Variants in SNAPC3 observed in about 807,000 individuals in gnomAD.
The protein encoded by SNAPC3 is small nuclear RNA activating complex polypeptide 3.
Under a neutral mutation model 47.7 loss-of-function variants are expected in SNAPC3, and 56 were observed. The ratio of observed to expected loss-of-function variants is 1.18; its 90% CI spans 0.95 to 1.47. The LOEUF is 1.47. Ranked by LOEUF, SNAPC3 falls within the 40% of genes most tolerant of loss-of-function variation. The probability of loss-of-function intolerance (pLI) is 0.00; values close to 1 mark genes in which losing one functional copy is unlikely to be tolerated. For missense variants in SNAPC3, 665 were observed against 511.3 expected (o/e 1.30, Z -2.90); for synonymous variants, 235 against 189.9 (o/e 1.24, Z -1.95).
intron 3 of SNAPC3, among the ~76,000 whole-genome samples, chr9:15,438,866 C>T (rs150145111): frequency 1.3e-5 from 2 of 151,894 alleles, no homozygotes; most frequent in African/African-American, 4.8e-5. Flanking sequence ...TCTAATTGTT[C>T]TCGTTGTTCA....
At chr9:15,427,616 G>C (rs1157259419) in intron 2 of SNAPC3, among the ~76,000 whole-genome samples, 2 of 152,168 alleles carry the variant, frequency 1.3e-5, no homozygotes, top group Admixed American at 1.3e-4. Context: ...CAAAGGGCTG[G>C]TATTACAGGC....
Position 15,422,985 on chromosome 9 carries a change from G to C in SNAPC3, c.106G>C (p.Glu36Gln). 6.5e-7 allele frequency: 1 copy of C among 1,545,894 alleles called. No homozygotes were observed. Among genetic ancestry groups the C allele is most frequent in the Non-Finnish European group, 8.7e-7 (1 of 1,153,244 alleles). ...CAACTTTCCAGAGTATGAGCTTCCC[G>C]AGCTAAATACGCGCGCTTTCCATGT... The part of the protein sequence containing the change: ...GCNFPEYELP[E>Q]LNTRAFHVGA... Residue 36 changes from glutamate to glutamine, a missense_variant, in exon 1 of 9, where the codon GAG becomes CAG. Transcript: ENST00000380821.
In SNAPC3 at chr9:15,436,334, T is replaced by G. The variant is rs1231182442; in HGVS notation, c.477+2698T>G. ...TAGCTTTAGCTCATAAGTTTGTCTT[T>G]GATCCACTTTGAGTTGATTTTTATA... On this transcript the variant is annotated intron_variant, in intron 3 of 8. Transcript: ENST00000380821. Among the ~76,000 whole-genome samples the G allele has an allele frequency of 2.6e-5, 4 of 152,262 alleles. No individual in the cohort carries two copies. In the East Asian group the frequency reaches 7.7e-4, roughly 29 times the overall value.
intron 2 of SNAPC3, among the ~76,000 whole-genome samples, chr9:15,426,770 G>A (rs184699744): frequency 2.4e-4 from 36 of 152,148 alleles, no homozygotes; most frequent in African/African-American, 7.9e-4. Flanking sequence ...AGATCTCTTT[G>A]GTTTCTTCTA....
chr9:15,459,869 A>C lies in SNAPC3; in HGVS notation c.*3A>C. On this transcript the variant is annotated 3_prime_UTR_variant, in exon 9 of 9. Transcript: ENST00000380821. ...TTGATCCTGGAACCTTTAATTAAGA[A>C]TAGCTACACTCACAAAAATACCCCC... 1 of 1,604,088 alleles carries C rather than the reference A, an allele frequency of 6.2e-7. No homozygotes were observed. Among genetic ancestry groups the C allele is most frequent in the Non-Finnish European group, 8.5e-7 (1 of 1,177,024 alleles).
At chr9:15,452,322 ATT>A (rs35695129) in intron 6 of SNAPC3, among the ~76,000 whole-genome samples, 5 of 140,510 alleles carry the variant, frequency 3.6e-5, no homozygotes, top group African/African-American at 1.3e-4. Context: ...TGGTTTCAGC[ATT>A]TTTTTTTTTT....
intron 3 of SNAPC3, among the ~76,000 whole-genome samples, chr9:15,436,069 C>T (rs2032774418): frequency 1.3e-5 from 2 of 152,116 alleles, no homozygotes; most frequent in Admixed American, 1.3e-4. Context: ...GTCTCGAACT[C>T]CTGACCTCAG....
At chr9:15,431,523 CAG>C (rs373187268) in intron 2 of SNAPC3, among the ~76,000 whole-genome samples, 154 of 150,816 alleles carry the variant, frequency 1.0e-3, no homozygotes, top group African/African-American at 3.6e-3. Context: ...CAGGAGATAA[CAG>C]AGTATACACA....
chr9:15,447,335 C>T, intron 5 of SNAPC3, 91 bp downstream of exon 5: 1 of 1,137,306 alleles, frequency 8.8e-7, no homozygotes, highest in Non-Finnish European at 1.3e-6. Context: ...CCCAGTAAAT[C>T]CTTTTCTTCT....
intron 2 of SNAPC3, chr9:15,431,996 A>T (rs2032223571): frequency 6.7e-6 from 1 of 148,216 alleles, no homozygotes; most frequent in Admixed American, 7.0e-5. Context: ...ATAAAATGCT[A>T]CCAAAAGCGT....
chr9:15,423,230 T>G (rs1246781756), intron 1 of SNAPC3, 37 bp downstream of exon 1: 1 of 1,532,254 alleles, frequency 6.5e-7, no homozygotes, highest in East Asian at 2.4e-5. Context: ...CAGCTTGGGG[T>G]CAAACAGGGT....
intron 5 of SNAPC3, among the ~76,000 whole-genome samples, chr9:15,447,637 T>C (rs1402243337): frequency 6.6e-6 from 1 of 152,174 alleles, no homozygotes; most frequent in African/African-American, 2.4e-5. Context: ...TGGTCACTTT[T>C]CCATTTTTAT....
chr9:15,449,010 A>T (rs941526183), intron 5 of SNAPC3, among the ~76,000 whole-genome samples: 1 of 152,020 alleles, frequency 6.6e-6, no homozygotes, highest in Non-Finnish European at 1.5e-5. Context: ...GGGTTTCACC[A>T]TGTTGGCCAA....
At position 15,439,691 on chromosome 9, in the gene SNAPC3, C is replaced by T. The variant is rs147018604; in HGVS notation, c.478-4911C>T. ...CTGGAACTACAAGCACCCACCACCACACCCGGCTAATTTTTGTATTTTTGT... is the reference window on the plus strand; with the variant it reads ...CTGGAACTACAAGCACCCACCACCATACCCGGCTAATTTTTGTATTTTTGT... On this transcript the variant is annotated intron_variant, in intron 3 of 8. Transcript: ENST00000380821. Among the ~76,000 whole-genome samples, 1,038 of 152,190 alleles carry T rather than the reference C, an allele frequency of 6.8e-3. 16 individuals are homozygous for T. Among genetic ancestry groups the T allele is most frequent in the African/African-American group, 0.024 (982 of 41,524 alleles).
intron 8 of SNAPC3, 145 bp downstream of exon 8, chr9:15,458,212 ATTT>A (rs1056402040): frequency 1.9e-6 from 1 of 530,760 alleles, no homozygotes; most frequent in African/African-American, 2.0e-5. Context: ...CAGAAAATCA[ATTT>A]AGTGAGTTAA....
rs1018505257 is a variant in SNAPC3, at chr9:15,460,292, C to A, written c.*426C>A. 1.3e-5 allele frequency: 2 copies of A among 152,864 alleles called. No individual in the cohort carries two copies. The highest frequency in any genetic ancestry group is 2.1e-4 in the South Asian group (1 of 4,842). The allele number at this position is 152,864 out of a possible 1,614,324, so 9.5% of individuals were successfully genotyped here. On this transcript the variant is annotated 3_prime_UTR_variant, in exon 9 of 9. Transcript: ENST00000380821. ...TCTTTGAAGAATGTGAGAGCTACAC[C>A]TTCTACCATGAGGCTTCCAAGGTAA...
chr9:15,458,450 T>A (rs1157300425), intron 8 of SNAPC3, among the ~76,000 whole-genome samples: 1 of 152,240 alleles, frequency 6.6e-6, no homozygotes, highest in Admixed American at 6.5e-5. Context: ...ATTTGGGAAG[T>A]CTAACCAAAG....
chr9:15,461,936 T>C (rs1046117164), downstream of SNAPC3: 16 of 152,200 alleles, frequency 1.1e-4, no homozygotes, highest in East Asian at 5.8e-4. Context: ...ATTGAGCAGA[T>C]TGATAACTGC....
chr9:15,434,941 T>A (rs1438351648), intron 3 of SNAPC3, among the ~76,000 whole-genome samples: 1 of 152,250 alleles, frequency 6.6e-6, no homozygotes, highest in Non-Finnish European at 1.5e-5. Flanking sequence ...TTATTTTGCG[T>A]CTGCCCCTAG....
Sources: gnomAD v4.1 joint callset for allele counts (sites outside exome capture counted in the v4.1 genomes callset) on GRCh38, gnomAD v4.1.1 for gene constraint, MANE v1.5 for transcripts, NCBI Gene and HGNC (gene_info 2026-07-23, HGNC 2026-07-21) for gene names.